The following GOLGA6L7 variants were observed in gnomAD, a reference collection of about 807,000 sequenced individuals.
GOLGA6L7 encodes golgin A6 family like 7.
A neutral mutation model predicts 68.9 loss-of-function variants in GOLGA6L7; 29 were observed. The ratio of observed to expected loss-of-function variants is 0.42; its 90% CI spans 0.31 to 0.57. The LOEUF (loss-of-function observed/expected upper bound fraction) is 0.57. Ranked by LOEUF, GOLGA6L7 falls within the 20% of genes least tolerant of loss-of-function variation. The probability of loss-of-function intolerance (pLI) is 0.13; values close to 1 mark genes in which losing one functional copy is unlikely to be tolerated. For missense variants in GOLGA6L7, 396 were observed against 588.4 expected, an observed-to-expected ratio of 0.67 and a Z score of 3.38; for synonymous variants, 133 against 197.4, an observed-to-expected ratio of 0.67 and a Z score of 2.73.
chr15:28,843,847 T>G lies in GOLGA6L7; in HGVS notation c.550A>C (p.Asn184His). Reference sequence around the variant, plus strand: ...CGAAGTTTTTCTTGTAGTTCGGCATTTTTCTCCTTCAGCTCCTTATTGGTT... The same window carrying G: ...CGAAGTTTTTCTTGTAGTTCGGCATGTTTCTCCTTCAGCTCCTTATTGGTT... ...IITNKELKEK[N>H]AELQEKLRLV... is the part of the protein sequence containing the mutation. The change falls in exon 8 of 9, where the codon AAT becomes CAT. Residue 184 changes from asparagine to histidine, a missense_variant. Coordinates refer to ENST00000567390, the MANE Select transcript of GOLGA6L7 (RefSeq NM_001365371.2). 1 of 1,032,812 alleles carries G rather than the reference T, an allele frequency of 9.7e-7. No individual in the cohort carries two copies. The highest frequency in any genetic ancestry group is 2.0e-5 in the Admixed American group (1 of 49,566). The allele number at this position is 1,032,812 out of a possible 1,614,324, so 64.0% of individuals were successfully genotyped here.
rs767886025 is a variant in GOLGA6L7 at position 28,845,699 on chromosome 15, G to A, written c.355+19C>T. The A allele has an allele frequency of 1.2e-5, 9 of 769,082 alleles. No individual in the cohort carries two copies. Among genetic ancestry groups the A allele is most frequent in the East Asian group, 7.3e-5 (3 of 40,990 alleles). The allele number at this position is 769,082 out of a possible 1,614,324, so 47.6% of individuals were successfully genotyped here. A position where few individuals can be genotyped will look rare whatever the true frequency, so the allele number is the denominator to read the frequency against. On this transcript the variant is annotated intron_variant, in intron 5 of 8. Transcript: ENST00000567390. ...TGAAAGTGCCAGGTTGAAGGATGACGGGGTGCCCAGATTCCCACCTTCAAA... is the reference window on the plus strand; with the variant it reads ...TGAAAGTGCCAGGTTGAAGGATGACAGGGTGCCCAGATTCCCACCTTCAAA...
At chr15:28,847,722 A>G (rs879606545) in intron 1 of GOLGA6L7, among the ~76,000 whole-genome samples, 146 of 152,358 alleles carry the variant, frequency 9.6e-4, no homozygotes, top group South Asian at 1.9e-3. Flanking sequence ...AAGATGCCCC[A>G]TATGTATCCT....
In GOLGA6L7 at chr15:28,843,098, C is replaced by A; in HGVS notation, c.1006G>T (p.Glu336Ter). 1.1e-5 allele frequency: 14 copies of A among 1,247,858 alleles called. No individual in the cohort carries two copies. The highest frequency in any genetic ancestry group is 3.1e-5 in the East Asian group (1 of 32,194). 77.3% of individuals were successfully genotyped at this position (1,247,858 alleles called of 1,614,324 possible). Residue 336 changes from glutamate (E) to a stop codon, truncating the protein, a stop_gained, in exon 9 of 9, where the codon GAG (glutamate) becomes TAG (stop). Transcript: ENST00000567390. LOFTEE classifies it high-confidence loss of function. ...TGCTTCCGCATCTGCTCCTCCTGCT[C>A]CCCCATCTGCTCCTCCTGCTTCCCC... is the stretch of plus-strand genomic sequence containing the variant. ...QMGKQEEQMGEQEEQMRKQEK... is the reference protein window; with the variant it reads ...QMGKQEEQMG
chr15:28,848,337 G>T (rs3963748), intron 1 of GOLGA6L7, among the ~76,000 whole-genome samples, 162 bp downstream of exon 1: 13,099 of 151,866 alleles, frequency 0.086, 618 homozygotes, highest in East Asian at 0.12. Flanking sequence ...CTGCTGAGGG[G>T]TTGGGGCTGA....
In GOLGA6L7 at chr15:28,848,612, G is replaced by A; in HGVS notation, c.-63C>T. 1 of 730,084 alleles carries A rather than the reference G, an allele frequency of 1.4e-6. No individual in the cohort carries two copies. Among genetic ancestry groups the A allele is most frequent in the Non-Finnish European group, 2.5e-6 (1 of 399,552 alleles). 45.2% of individuals were successfully genotyped at this position (730,084 alleles called of 1,614,324 possible). On this transcript the variant is annotated 5_prime_UTR_variant, in exon 1 of 9. Coordinates refer to ENST00000567390, the MANE Select transcript of GOLGA6L7 (RefSeq NM_001365371.2). ...GTGATCCAGGCGAGGACAGTGATAT[G>A]CCTCCAGTCACGTACCACACAGCTA...
chr15:28,845,947 T>C lies in GOLGA6L7; in HGVS notation c.214A>G (p.Asn72Asp). 8.0e-7 allele frequency: 1 copy of C among 1,253,306 alleles called. No individual in the cohort carries two copies. The allele number at this position is 1,253,306 out of a possible 1,614,324, so 77.6% of individuals were successfully genotyped here. A position where few individuals can be genotyped will look rare whatever the true frequency, so the allele number is the denominator to read the frequency against. The change falls in exon 4 of 9, where the codon AAT becomes GAT. Residue 72 changes from asparagine (N) to aspartate (D), a missense_variant. By Grantham distance (23) the Asn-to-Asp change is conservative. Around this residue, in one of 5 missense-constraint regions of GOLGA6L7, gnomAD observed 125 missense variants for 119.4 expected, o/e 1.05. Coordinates refer to ENST00000567390, the MANE Select transcript of GOLGA6L7 (RefSeq NM_001365371.2). The stretch of plus-strand genomic sequence containing the variant: ...TGCTGATGTTGGTGGCTTGCCTTAT[T>C]TTCCTATAGAAAAGAAGAGGAAGAC... ...QQNRAQLKEENKASHQHQQAL... is the reference protein window; with the variant it reads ...QQNRAQLKEEDKASHQHQQAL...
At chr15:28,846,591 G>A in intron 2 of GOLGA6L7, 1 of 460,972 alleles carries the variant, frequency 2.2e-6, no homozygotes, top group Non-Finnish European at 3.9e-6. Context: ...AAGCACATAG[G>A]GGCCGGGGAC....
At position 28,842,870 on chromosome 15, in the gene GOLGA6L7, C is replaced by A; in HGVS notation, c.1234G>T (p.Gly412Trp). 3 of 1,229,316 alleles carry A rather than the reference C, an allele frequency of 2.4e-6. No homozygotes were observed. Among genetic ancestry groups the A allele is most frequent in the East Asian group, 3.2e-5 (1 of 30,796 alleles). The allele number at this position is 1,229,316 out of a possible 1,614,324, so 76.2% of individuals were successfully genotyped here. Reference protein sequence around the residue: ...EQMWKQEEQMGEQMRKQEEQM... With the variant: ...EQMWKQEEQMWEQMRKQEEQM... The stretch of plus-strand genomic sequence containing the variant: ...TCCTCCTGCTTCCTCATCTGCTCCC[C>A]CATCTGCTCCTCCTGCTTCCACATC... Residue 412 changes from glycine to tryptophan, a missense_variant, in exon 9 of 9, where the codon GGG becomes TGG. Gly to Trp is a radical substitution (Grantham distance 184, BLOSUM62 -2). Transcript: ENST00000567390.
chr15:28,845,569 G>A lies in GOLGA6L7; in HGVS notation c.422C>T (p.Ala141Val). 1 of 767,154 alleles carries A rather than the reference G, an allele frequency of 1.3e-6. No homozygotes were observed. Among genetic ancestry groups the A allele is most frequent in the East Asian group, 2.7e-5 (1 of 37,680 alleles). The allele number at this position is 767,154 out of a possible 1,614,324, so 47.5% of individuals were successfully genotyped here. ...GTGCTCTGCGGACATAGCAGAGAGA[G>A]CCCGCTGTAACTCTCCTGCAAAGTG... ...SWHFAGELQRALSAMSAEHER... is the reference protein window; with the variant it reads ...SWHFAGELQRVLSAMSAEHER... The change falls in exon 6 of 9, where the codon GCT becomes GTT. Residue 141 changes from alanine to valine, a missense_variant. Transcript: ENST00000567390.
chr15:28,842,566 A>G lies in GOLGA6L7; in HGVS notation c.1538T>C (p.Met513Thr), dbSNP rs1290738011. 4.0e-6 allele frequency: 5 copies of G among 1,251,768 alleles called. No individual in the cohort carries two copies. The highest frequency in any genetic ancestry group is 5.0e-6 in the Non-Finnish European group (5 of 999,282). The allele number at this position is 1,251,768 out of a possible 1,614,324, so 77.5% of individuals were successfully genotyped here. The change falls in exon 9 of 9, where the codon ATG becomes ACG. Residue 513 changes from methionine (M) to threonine (T), a missense_variant. Physicochemically the swap from Met to Thr is moderately conservative, Grantham distance 81. This residue lies in a region of GOLGA6L7 where 125 missense variants were observed against 163.3 expected (regional missense o/e 0.77). Transcript: ENST00000567390. Reference protein sequence around the residue: ...EERLWDEYEKMQEEEEKIRRQ... With the variant: ...EERLWDEYEKTQEEEEKIRRQ... ...CCGGATCTTCTCCTCCTCCTCCTGC[A>G]TCTTCTCATACTCATCCCACAGCCT...
chr15:28,842,011 G>A lies in GOLGA6L7; in HGVS notation c.*224C>T, dbSNP rs188729171. 46 of 314,298 alleles carry A rather than the reference G, an allele frequency of 1.5e-4. 1 individual carries two copies. The East Asian group carries it at 2.3e-3, about 16-fold the overall frequency. The allele number at this position is 314,298 out of a possible 1,614,324, so 19.5% of individuals were successfully genotyped here. ...GTCACCCAGCCTGGAGTGCAGTGGT[G>A]TGATCTCAGCTCACTGCAACCTCAA... is the stretch of plus-strand genomic sequence containing the variant. On this transcript the variant is annotated 3_prime_UTR_variant, in exon 9 of 9. Coordinates refer to ENST00000567390, the MANE Select transcript of GOLGA6L7 (RefSeq NM_001365371.2).
Position 28,842,399 on chromosome 15 carries a change from G to A in GOLGA6L7, c.1705C>T (p.Arg569Ter), listed in dbSNP as rs375469323. 2.4e-5 allele frequency: 29 copies of A among 1,214,484 alleles called. No homozygotes were observed. The highest frequency in any genetic ancestry group is 2.2e-4 in the African/African-American group (14 of 63,898). 75.2% of individuals were successfully genotyped at this position (1,214,484 alleles called of 1,614,324 possible). Residue 569 changes from arginine (R) to a stop codon, truncating the protein, a stop_gained, in exon 9 of 9, where the codon CGA becomes TGA. Transcript: ENST00000567390. LOFTEE classifies it high-confidence loss of function. ...MSHPGSLEPAREAGKGYSHDN... is the reference protein window; with the variant it reads ...MSHPGSLEPA ...TGGGAATAACCCTTCCCGGCCTCTCGTGCAGGCTCCAGGCTGCCAGGGTGG... is the reference window on the plus strand; with the variant it reads ...TGGGAATAACCCTTCCCGGCCTCTCATGCAGGCTCCAGGCTGCCAGGGTGG...
At position 28,846,212 on chromosome 15, in the gene GOLGA6L7, CATG is replaced by C. The variant is rs1230313384; in HGVS notation, c.210+5_210+7del. The C allele has an allele frequency of 2.6e-6, 2 of 759,980 alleles. No individual in the cohort carries two copies. Among genetic ancestry groups the C allele is most frequent in the Non-Finnish European group, 4.8e-6 (2 of 419,288 alleles). The allele number at this position is 759,980 out of a possible 1,614,324, so 47.1% of individuals were successfully genotyped here. On this transcript the variant is annotated splice_donor_5th_base_variant and intron_variant, in intron 3 of 8. Coordinates refer to ENST00000567390, the MANE Select transcript of GOLGA6L7 (RefSeq NM_001365371.2). ...TCATGTCGTGAGCAAAGAAAGAAAC[CATG>C]TTACCTCTTTCAGCTGAGCTCGGTT... is the stretch of plus-strand genomic sequence containing the variant.
chr15:28,846,640 C>T, intron 2 of GOLGA6L7: 1 of 371,876 alleles, frequency 2.7e-6, no homozygotes, highest in South Asian at 3.1e-5. Flanking sequence ...AAAAGGCAGA[C>T]AGGAGCCCTT....
rs2030203475 is a variant in GOLGA6L7, at chr15:28,842,043, A to G, written c.*192T>C. 2 of 364,558 alleles carry G rather than the reference A, an allele frequency of 5.5e-6. No homozygotes were observed. The highest frequency in any genetic ancestry group is 9.5e-6 in the Non-Finnish European group (2 of 211,206). 22.6% of individuals were successfully genotyped at this position (364,558 alleles called of 1,614,324 possible). A position where few individuals can be genotyped will look rare whatever the true frequency, so the allele number is the denominator to read the frequency against. On this transcript the variant is annotated 3_prime_UTR_variant, in exon 9 of 9. Coordinates refer to ENST00000567390, the MANE Select transcript of GOLGA6L7 (RefSeq NM_001365371.2). ...CAGCTCACTGCAACCTCAACCTCCC[A>G]CGTAGCTGGGATTGGTGATCCACCC...
chr15:28,844,687 GATA>G (rs1364380630), intron 6 of GOLGA6L7, among the ~76,000 whole-genome samples: 3 of 152,062 alleles, frequency 2.0e-5, no homozygotes, highest in Admixed American at 2.0e-4. Context: ...AGAGCGATCA[GATA>G]ATATTGTTAT....
intron 6 of GOLGA6L7, chr15:28,845,306 C>G: frequency 1.6e-6 from 1 of 631,650 alleles, no homozygotes; most frequent in South Asian, 1.7e-5. Flanking sequence ...CACTTGGCCT[C>G]CGAGCTCTGT....
At position 28,841,884 on chromosome 15, in the gene GOLGA6L7, CA is replaced by C. The variant is rs1421140825; in HGVS notation, c.*350del. The C allele has an allele frequency of 1.3e-5, 2 of 156,506 alleles. No individual in the cohort carries two copies. The highest frequency in any genetic ancestry group is 4.9e-5 in the African/African-American group (2 of 40,832). The allele number at this position is 156,506 out of a possible 1,614,324, so 9.7% of individuals were successfully genotyped here. On this transcript the variant is annotated 3_prime_UTR_variant, in exon 9 of 9. Transcript: ENST00000567390. ...TGCCATAAGACAAGACAACGCAAGA[CA>C]AAAGGAGAAAACAAACAAAAAAAAC...
intron 2 of GOLGA6L7, among the ~76,000 whole-genome samples, chr15:28,846,531 T>C (rs2030436594): frequency 6.6e-6 from 1 of 152,138 alleles, no homozygotes; most frequent in South Asian, 2.1e-4. Flanking sequence ...AGCCCACCCT[T>C]CTGCCAGCTT....
Sources: gnomAD v4.1 joint callset for allele counts (sites outside exome capture counted in the v4.1 genomes callset) on GRCh38, gnomAD v4.1.1 for gene constraint, gnomAD v4.1.1 regional missense constraint, MANE v1.5 for transcripts, NCBI Gene and HGNC (gene_info 2026-07-23, HGNC 2026-07-21) for gene names.